Variants in TACC1 observed in about 807,000 individuals in gnomAD.
The protein encoded by TACC1 is transforming acidic coiled-coil containing protein 1.
TACC1 carries 48 observed loss-of-function variants against 84.4 expected under a neutral mutation model. That is an observed-to-expected ratio of 0.57 (90% CI 0.45 to 0.72). The LOEUF is 0.72. Among genes scored for constraint, TACC1 ranks in the 30% least tolerant of loss-of-function variants. TACC1 has a pLI of 0.00. For synonymous variants in TACC1, 372 were observed against 376.3 expected, an observed-to-expected ratio of 0.99 and a Z score of 0.13; for missense variants, 920 against 973.0, an observed-to-expected ratio of 0.95 and a Z score of 0.72.
In TACC1 at chr8:38,793,663, G is replaced by A. The variant is rs7000980; in HGVS notation, c.277+4844G>A. On this transcript the variant is annotated intron_variant, in intron 2 of 12. Coordinates refer to ENST00000317827, the MANE Select transcript of TACC1 (RefSeq NM_006283.3). ...TTGCTATGTTGCCCAGGCTGATCTT[G>A]AGCTCCAGGGCTCAAGTAAGTGATC... 4.4e-3 allele frequency among the ~76,000 whole-genome samples: 672 copies of A among 152,026 alleles called. 4 individuals are homozygous for A. The highest frequency in any genetic ancestry group is 0.015 in the African/African-American group (634 of 41,448).
Position 38,820,642 on chromosome 8 carries a change from G to A in TACC1, c.1391+7G>A, listed in dbSNP as rs765640877. 19 of 1,597,384 alleles carry A rather than the reference G, an allele frequency of 1.2e-5. No homozygotes were observed. The highest frequency in any genetic ancestry group is 1.6e-5 in the Non-Finnish European group (19 of 1,176,416). On this transcript the variant is annotated splice_region_variant and intron_variant, in intron 3 of 12. Coordinates refer to ENST00000317827, the MANE Select transcript of TACC1 (RefSeq NM_006283.3). ...CAAAGTCGCGTTTAATAACGTGAGT[G>A]ACAGTGGGCGCTGGGTGTCGTGCTC...
chr8:38,740,413 A>G (rs778649634), intron 1 of TACC1, among the ~76,000 whole-genome samples: 1 of 152,222 alleles, frequency 6.6e-6, no homozygotes, highest in Non-Finnish European at 1.5e-5. Context: ...GGAGGGCCAG[A>G]GAAGCCAGAA....
intron 4 of TACC1, among the ~76,000 whole-genome samples, chr8:38,826,898 C>G (rs532206280): frequency 6.6e-6 from 1 of 152,182 alleles, no homozygotes; most frequent in South Asian, 2.1e-4. Flanking sequence ...AAACCATTGT[C>G]TTAAACCACT....
intron 3 of TACC1, among the ~76,000 whole-genome samples, chr8:38,762,008 A>G (rs1811302849): frequency 1.3e-5 from 2 of 152,204 alleles, no homozygotes; most frequent in South Asian, 2.1e-4. Context: ...ATTTGTATCT[A>G]CTGAATTTAG....
At chr8:38,732,125 CAAAGAAAAG>C (rs1480596067) in intron 1 of TACC1, among the ~76,000 whole-genome samples, 1 of 118,072 alleles carries the variant, frequency 8.5e-6, no homozygotes. Context: ...ATAACAACAA[CAAAGAAAAG>C]AAAGAAAAGA....
chr8:38,816,054 A>G (rs1183506790), intron 2 of TACC1, among the ~76,000 whole-genome samples: 1 of 152,166 alleles, frequency 6.6e-6, no homozygotes, highest in Non-Finnish European at 1.5e-5. Flanking sequence ...CAGTAGTTGC[A>G]GATAAGTTTT....
At position 38,735,929 on chromosome 8, in the gene TACC1, C is replaced by T. The variant is rs187066114; in HGVS notation, c.-674-6422C>T. On this transcript the variant is annotated intron_variant, in intron 1 of 14. Coordinates refer to the TACC1 transcript ENST00000518415. Reference sequence around the variant, plus strand: ...CTGTGGCTGCTCTAACTAATGACCACGAACTTGGTAGCTTAAAACAGAACA... The same window carrying T: ...CTGTGGCTGCTCTAACTAATGACCATGAACTTGGTAGCTTAAAACAGAACA... Among the ~76,000 whole-genome samples the T allele has an allele frequency of 5.3e-5, 8 of 152,290 alleles. No homozygotes were observed. In the East Asian group the frequency reaches 1.2e-3, roughly 22 times the overall value.
chr8:38,845,063 T>C (rs1452386686), intron 11 of TACC1: 2 of 152,302 alleles, frequency 1.3e-5, no homozygotes, highest in African/African-American at 4.8e-5. Flanking sequence ...CAGCTGGGAT[T>C]ACAGGCACCC....
chr8:38,736,959 G>A (rs536540597), intron 1 of TACC1, among the ~76,000 whole-genome samples: 4 of 152,286 alleles, frequency 2.6e-5, no homozygotes, highest in Admixed American at 6.5e-5. Flanking sequence ...AGTGGGCCGC[G>A]ATGAGGACAC....
chr8:38,820,433 T>A lies in TACC1; in HGVS notation c.1189T>A (p.Phe397Ile), dbSNP rs1440681320. The A allele has an allele frequency of 6.2e-7, 1 of 1,614,132 alleles. No individual in the cohort carries two copies. The change falls in exon 3 of 13, where the codon TTT (phenylalanine) becomes ATT (isoleucine). Residue 397 changes from phenylalanine to isoleucine, a missense_variant. Physicochemically the swap from Phe to Ile is conservative, Grantham distance 21. Transcript: ENST00000317827. ...GTGGGAAAGCCCCAGCTTCAACCCC[T>A]TTGGGAGCCACTCTGTTCTGCAGAA... ...SQWESPSFNP[F>I]GSHSVLQNSP... is the part of the protein sequence containing the mutation.
At chr8:38,839,385 A>G (rs1191504524) in intron 8 of TACC1, 1 of 394,134 alleles carries the variant, frequency 2.5e-6, no homozygotes. Flanking sequence ...AGAAGAAAAA[A>G]AGGCATAAAT....
At chr8:38,807,327 T>A (rs938480261) in intron 2 of TACC1, among the ~76,000 whole-genome samples, 1 of 152,172 alleles carries the variant, frequency 6.6e-6, no homozygotes, top group African/African-American at 2.4e-5. Flanking sequence ...AGATATTGTT[T>A]ATGTGTTTTG....
chr8:38,819,858 T>C lies in TACC1; in HGVS notation c.614T>C (p.Leu205Pro). 1.2e-6 allele frequency: 2 copies of C among 1,613,910 alleles called. No homozygotes were observed. Among genetic ancestry groups the C allele is most frequent in the Non-Finnish European group, 1.7e-6 (2 of 1,180,038 alleles). The change falls in exon 3 of 13, where the codon CTC becomes CCC. Residue 205 changes from leucine (L) to proline (P), a missense_variant. Leu to Pro is a moderately conservative substitution (Grantham distance 98, BLOSUM62 -3). Coordinates refer to ENST00000317827, the MANE Select transcript of TACC1 (RefSeq NM_006283.3). Reference protein sequence around the residue: ...AMTEGSMGVTLEASAEADLKA... With the variant: ...AMTEGSMGVTPEASAEADLKA... ...ACAGAAGGCAGCATGGGGGTCACCC[T>C]CGAGGCCTCCGCAGAAGCTGATCTA... is the stretch of plus-strand genomic sequence containing the variant.
chr8:38,738,478 T>C (rs1806413392), intron 1 of TACC1, among the ~76,000 whole-genome samples: 1 of 152,232 alleles, frequency 6.6e-6, no homozygotes, highest in African/African-American at 2.4e-5. Context: ...GTTTAATCAC[T>C]AACTTATATT....
In TACC1 at chr8:38,787,369, G is replaced by T; in HGVS notation, c.-214G>T. On this transcript the variant is annotated 5_prime_UTR_variant, in exon 1 of 13. Coordinates refer to ENST00000317827, the MANE Select transcript of TACC1 (RefSeq NM_006283.3). ...GCGCGGGGCCCGCTGCGGCCGCACCGTGAGGGGAGGAGGCCGAGGAGGACG... is the reference window on the plus strand; with the variant it reads ...GCGCGGGGCCCGCTGCGGCCGCACCTTGAGGGGAGGAGGCCGAGGAGGACG... 7.5e-7 allele frequency: 1 copy of T among 1,328,230 alleles called. No individual in the cohort carries two copies. Among genetic ancestry groups the T allele is most frequent in the East Asian group, 3.2e-5 (1 of 31,322 alleles). 82.3% of individuals were successfully genotyped at this position (1,328,230 alleles called of 1,614,324 possible). A position where few individuals can be genotyped will look rare whatever the true frequency, so the allele number is the denominator to read the frequency against.
intron 3 of TACC1, among the ~76,000 whole-genome samples, chr8:38,763,986 A>G (rs62505796): frequency 0.21 from 32,083 of 152,148 alleles, 4,023 homozygotes; most frequent in Non-Finnish European, 0.29. Context: ...AAGTTGCTAC[A>G]TATTACTATA....
At chr8:38,789,306 G>GC (rs1399314400) in intron 2 of TACC1, among the ~76,000 whole-genome samples, 2 of 152,142 alleles carry the variant, frequency 1.3e-5, no homozygotes, top group African/African-American at 4.8e-5. Flanking sequence ...GGAAAACCTG[G>GC]CACATGGATT....
intron 6 of TACC1, among the ~76,000 whole-genome samples, chr8:38,835,513 A>G (rs556759720): frequency 7.2e-5 from 11 of 152,214 alleles, no homozygotes; most frequent in Non-Finnish European, 1.2e-4. Context: ...TGACTTATGT[A>G]TGGCCATTTT....
upstream of TACC1, among the ~76,000 whole-genome samples, chr8:38,783,080 ATC>A (rs1254243972): frequency 9.9e-4 from 106 of 106,590 alleles, 2 homozygotes; most frequent in African/African-American, 4.4e-3. Context: ...CTATCTATCT[ATC>A]TATCTATCTA....
Sources: gnomAD v4.1 joint callset for allele counts (sites outside exome capture counted in the v4.1 genomes callset) on GRCh38, gnomAD v4.1.1 for gene constraint, MANE v1.5 for transcripts, NCBI Gene and HGNC (gene_info 2026-07-23, HGNC 2026-07-21) for gene names.